RPS6KA5: variants seen among roughly 807,000 people sequenced by gnomAD.
RPS6KA5 encodes ribosomal protein S6 kinase A5, also known as ribosomal protein S6 kinase alpha-5.
RPS6KA5 carries 27 observed loss-of-function variants against 85.5 expected under a neutral mutation model. That is an observed-to-expected ratio of 0.32 (90% CI 0.23 to 0.44). RPS6KA5 has a LOEUF of 0.44. Among genes scored for constraint, RPS6KA5 ranks in the 20% least tolerant of loss-of-function variants. The pLI is 1.00. For synonymous variants in RPS6KA5, 334 were observed against 348.2 expected (o/e 0.96, Z 0.46); for missense variants, 811 against 980.9 (o/e 0.83, Z 2.31).
Position 90,870,074 on chromosome 14 carries a change from T to G in RPS6KA5, c.*2000A>C, listed in dbSNP as rs903687753. On this transcript the variant is annotated 3_prime_UTR_variant, in exon 17 of 17. Coordinates refer to ENST00000614987, the MANE Select transcript of RPS6KA5 (RefSeq NM_004755.4). ...TCAATCACATCATCAATCTGTATAC[T>G]GTCTGACCATTTTTCTGGATCATTT... The G allele has an allele frequency of 3.3e-5, 5 of 152,236 alleles. No homozygotes were observed. The highest frequency in any genetic ancestry group is 1.2e-4 in the African/African-American group (5 of 41,472). 9.4% of individuals were successfully genotyped at this position (152,236 alleles called of 1,614,324 possible). A position where few individuals can be genotyped will look rare whatever the true frequency, so the allele number is the denominator to read the frequency against.
intron 1 of RPS6KA5, among the ~76,000 whole-genome samples, chr14:91,024,715 C>A (rs2041920516): frequency 6.6e-6 from 1 of 152,168 alleles, no homozygotes; most frequent in Non-Finnish European, 1.5e-5. Flanking sequence ...TGGTTCTGCT[C>A]ACTTTAACAC....
chr14:90,948,260 T>C (rs1407044272), intron 3 of RPS6KA5, among the ~76,000 whole-genome samples: 1 of 152,250 alleles, frequency 6.6e-6, no homozygotes, highest in Admixed American at 6.5e-5. Context: ...TAATAAGATA[T>C]TTCTTCATAA....
intron 5 of RPS6KA5, among the ~76,000 whole-genome samples, chr14:90,939,764 A>G (rs1375623529): frequency 6.6e-6 from 1 of 152,132 alleles, no homozygotes; most frequent in East Asian, 1.9e-4. Context: ...TTCCCACAAC[A>G]TGTGGGAATT....
chr14:90,889,781 C>G (rs2140191005), intron 14 of RPS6KA5, among the ~76,000 whole-genome samples: 1 of 152,132 alleles, frequency 6.6e-6, no homozygotes, highest in East Asian at 1.9e-4. Context: ...GCCTACATAT[C>G]TAAAGGGGAG....
chr14:91,029,454 A>G (rs1278968549), intron 1 of RPS6KA5, among the ~76,000 whole-genome samples: 2 of 152,232 alleles, frequency 1.3e-5, no homozygotes, highest in African/African-American at 2.4e-5. Flanking sequence ...GTATACTTTA[A>G]AATTTTCATT....
At chr14:91,042,859 G>A (rs1209192180) in intron 1 of RPS6KA5, among the ~76,000 whole-genome samples, 1 of 152,136 alleles carries the variant, frequency 6.6e-6, no homozygotes, top group East Asian at 1.9e-4. Context: ...GTCCAGCCTA[G>A]TAATACTTAA....
rs1270891727 is a variant in RPS6KA5 at position 90,858,265 on chromosome 14, T to C, written c.*13809A>G. The C allele has an allele frequency of 6.6e-6, 1 of 152,148 alleles. No individual in the cohort carries two copies. The highest frequency in any genetic ancestry group is 6.6e-5 in the Admixed American group (1 of 15,258). The allele number at this position is 152,148 out of a possible 1,614,324, so 9.4% of individuals were successfully genotyped here. On this transcript the variant is annotated 3_prime_UTR_variant, in exon 17 of 17. Coordinates refer to ENST00000614987, the MANE Select transcript of RPS6KA5 (RefSeq NM_004755.4). The stretch of plus-strand genomic sequence containing the variant: ...TAAAAACTGTTCTTGATGTTATTTC[T>C]AAACAGATCTAGTATCAGAAGCATC...
At chr14:91,023,796 T>G (rs2041886124) in intron 1 of RPS6KA5, among the ~76,000 whole-genome samples, 1 of 152,180 alleles carries the variant, frequency 6.6e-6, no homozygotes, top group Admixed American at 6.5e-5. Flanking sequence ...CCTAAAGCCC[T>G]GAGGATTTTT....
At chr14:90,898,410 G>A (rs1370518033) in intron 12 of RPS6KA5, among the ~76,000 whole-genome samples, 1 of 152,156 alleles carries the variant, frequency 6.6e-6, no homozygotes, top group Non-Finnish European at 1.5e-5. Context: ...AATAGCACTC[G>A]AGGATATTTC....
intron 12 of RPS6KA5, among the ~76,000 whole-genome samples, chr14:90,896,446 T>G (rs1208961800): frequency 1.3e-5 from 2 of 152,220 alleles, no homozygotes; most frequent in African/African-American, 4.8e-5. Context: ...CATGTCCTAA[T>G]GCCCAGAACC....
chr14:90,871,258 C>T lies in RPS6KA5; in HGVS notation c.*816G>A, dbSNP rs572489405. The stretch of plus-strand genomic sequence containing the variant: ...AAAATGAAAATAAATGGCAAAAATA[C>T]AGTGCAAATGCTTTAAACAGTGCAC... On this transcript the variant is annotated 3_prime_UTR_variant, in exon 17 of 17. Coordinates refer to ENST00000614987, the MANE Select transcript of RPS6KA5 (RefSeq NM_004755.4). The T allele has an allele frequency of 6.5e-6, 1 of 152,696 alleles. No individual in the cohort carries two copies. Among genetic ancestry groups the T allele is most frequent in the Non-Finnish European group, 1.5e-5 (1 of 68,008 alleles). 9.5% of individuals were successfully genotyped at this position (152,696 alleles called of 1,614,324 possible). A position where few individuals can be genotyped will look rare whatever the true frequency, so the allele number is the denominator to read the frequency against.
intron 1 of RPS6KA5, among the ~76,000 whole-genome samples, chr14:91,015,765 C>T (rs539592661): frequency 6.6e-6 from 1 of 152,322 alleles, no homozygotes; most frequent in Admixed American, 6.5e-5. Context: ...CTTGTTCTTA[C>T]AGCAATAAAC....
At chr14:90,894,334 C>A in intron 13 of RPS6KA5, 79 bp downstream of exon 13, 1 of 1,402,092 alleles carries the variant, frequency 7.1e-7, no homozygotes. Flanking sequence ...GAAACCTCCC[C>A]AGAAACTTCC....
chr14:90,929,449 C>T (rs990106242), intron 5 of RPS6KA5, among the ~76,000 whole-genome samples: 8 of 152,210 alleles, frequency 5.3e-5, no homozygotes, highest in African/African-American at 1.9e-4. Flanking sequence ...ATAAGGTCAA[C>T]AGCATTCCTA....
At chr14:90,953,993 C>T (rs1418730794) in intron 3 of RPS6KA5, among the ~76,000 whole-genome samples, 2 of 152,158 alleles carry the variant, frequency 1.3e-5, no homozygotes, top group East Asian at 3.8e-4. Flanking sequence ...ATCTTTGTGA[C>T]CTACTCCCTT....
chr14:90,908,844 C>T (rs1418476834), intron 7 of RPS6KA5, among the ~76,000 whole-genome samples: 1 of 152,214 alleles, frequency 6.6e-6, no homozygotes, highest in Non-Finnish European at 1.5e-5. Context: ...GGAAGCCATG[C>T]TCACAGGCTG....
intron 1 of RPS6KA5, 123 bp downstream of exon 1, chr14:91,060,209 C>G: frequency 1.0e-6 from 1 of 959,602 alleles, no homozygotes. Context: ...CGACGCCCCG[C>G]CCCAGGCCCG....
chr14:90,921,316 C>T (rs1022797571), intron 6 of RPS6KA5, among the ~76,000 whole-genome samples: 6 of 152,086 alleles, frequency 3.9e-5, no homozygotes, highest in African/African-American at 1.4e-4. Flanking sequence ...ATGCCAGGCA[C>T]TATGATGAGC....
At chr14:91,055,137 A>C (rs957804713) in intron 1 of RPS6KA5, among the ~76,000 whole-genome samples, 3 of 152,212 alleles carry the variant, frequency 2.0e-5, no homozygotes, top group Non-Finnish European at 4.4e-5. Context: ...TAGGCTGTGA[A>C]GGAACTGGAG....
Sources: allele counts gnomAD v4.1 joint callset (sites outside exome capture counted in the v4.1 genomes callset), GRCh38; gene constraint gnomAD v4.1.1; transcripts MANE v1.5; gene names NCBI Gene and HGNC (gene_info 2026-07-23, HGNC 2026-07-21).